ANK2: variants seen among roughly 807,000 people sequenced by gnomAD.
ANK2 encodes ankyrin 2.
In ANK2, 83 loss-of-function variants were observed where a neutral mutation model predicts 360.5. That is an observed-to-expected ratio of 0.23 (90% confidence interval 0.19 to 0.28). The LOEUF (loss-of-function observed/expected upper bound fraction) is 0.28. Ranked by LOEUF, ANK2 falls within the 10% of genes least tolerant of loss-of-function variation. The pLI, the probability that ANK2 is intolerant of heterozygous loss-of-function variation, is 1.00. For missense variants in ANK2, 4,201 were observed against 4,795.7 expected (o/e 0.88, Z 3.66); for synonymous variants, 1,740 against 1,759.5 (o/e 0.99, Z 0.28).
At chr4:112,723,689 G>A in the ANK2 span, among the ~76,000 whole-genome samples, 3 of 151,998 alleles carry the variant, frequency 2.0e-5, no homozygotes, top group Non-Finnish European at 2.9e-5. Context: ...TAGCTGTCTC[G>A]TCAAGGACTT....
At chr4:113,297,615 C>A (rs1309352347) in intron 22 of ANK2, among the ~76,000 whole-genome samples, 5 of 152,030 alleles carry the variant, frequency 3.3e-5, no homozygotes, top group Non-Finnish European at 5.9e-5. Flanking sequence ...CTTGTAAAGT[C>A]ATTTGACACC....
At chr4:113,089,017 C>G (rs932823901) in intron 1 of ANK2, among the ~76,000 whole-genome samples, 5 of 152,170 alleles carry the variant, frequency 3.3e-5, no homozygotes, top group Non-Finnish European at 7.4e-5. Flanking sequence ...CTCTCATACT[C>G]CAGTGGGCCC....
chr4:112,927,083 G>A (rs972352477), intron 2 of ANK2, among the ~76,000 whole-genome samples: 24 of 152,132 alleles, frequency 1.6e-4, no homozygotes, highest in African/African-American at 5.1e-4. Context: ...TACAAGAATA[G>A]CATAGGCCTG....
At position 113,355,856 on chromosome 4, in the gene ANK2, T is replaced by C; in HGVS notation, c.7238T>C (p.Leu2413Pro). The change falls in exon 38 of 46, where the codon CTC becomes CCC. Residue 2413 changes from leucine (L) to proline (P), a missense_variant. Leu to Pro is a moderately conservative substitution (Grantham distance 98, BLOSUM62 -3). This residue lies in a region of ANK2 where 2,642 missense variants were observed against 2,714.5 expected (regional missense o/e 0.97). Coordinates refer to ENST00000357077, the MANE Select transcript of ANK2 (RefSeq NM_001148.6). Reference protein sequence around the residue: ...IRSPQGLELALPSRDSEVLSA... With the variant: ...IRSPQGLELAPPSRDSEVLSA... ...AGTCCCCAAGGGTTAGAACTTGCAC[T>C]CCCTAGCCGAGATAGCGAAGTCCTC... 1 of 1,614,026 alleles carries C rather than the reference T, an allele frequency of 6.2e-7. No individual in the cohort carries two copies. The highest frequency in any genetic ancestry group is 8.5e-7 in the Non-Finnish European group (1 of 1,179,962).
chr4:112,794,069 A>T, the ANK2 span, among the ~76,000 whole-genome samples: 1 of 152,236 alleles, frequency 6.6e-6, no homozygotes, highest in Non-Finnish European at 1.5e-5. Context: ...TTTATAGAGT[A>T]ACTAATTGTT....
chr4:113,116,550 T>G (rs1401694896), intron 1 of ANK2, among the ~76,000 whole-genome samples: 5 of 152,198 alleles, frequency 3.3e-5, no homozygotes, highest in Non-Finnish European at 7.3e-5. Context: ...TAACTCCAAC[T>G]GTGCTCCTCT....
intron 2 of ANK2, among the ~76,000 whole-genome samples, chr4:112,913,081 G>A (rs906341304): frequency 1.3e-5 from 2 of 151,936 alleles, no homozygotes; most frequent in East Asian, 1.9e-4. Flanking sequence ...CTATGTAACC[G>A]TAAAAAAACT....
chr4:113,193,186 A>G (rs1171497915), intron 2 of ANK2, among the ~76,000 whole-genome samples: 1 of 152,218 alleles, frequency 6.6e-6, no homozygotes, highest in Admixed American at 6.5e-5. Flanking sequence ...AGTAAATACC[A>G]CATTAAATTA....
chr4:113,213,782 C>T (rs17529732), intron 4 of ANK2, among the ~76,000 whole-genome samples: 5,666 of 152,014 alleles, frequency 0.037, 127 homozygotes, highest in East Asian at 0.067. Context: ...GCAGAGGAAA[C>T]GTTCCAAAAA....
chr4:113,317,616 T>C, intron 24 of ANK2, 91 bp from the exon 25 acceptor site: 1 of 1,003,646 alleles, frequency 1.0e-6, no homozygotes, highest in South Asian at 1.3e-5. Flanking sequence ...AATAGCACGC[T>C]TTTTTCACTC....
intron 1 of ANK2, among the ~76,000 whole-genome samples, chr4:112,853,841 T>C (rs2065650177): frequency 6.6e-6 from 1 of 152,172 alleles, no homozygotes; most frequent in African/African-American, 2.4e-5. Context: ...GAGGATGCCG[T>C]TTCTAGGAAT....
At chr4:113,073,255 TG>T (rs1011600164) in intron 1 of ANK2, among the ~76,000 whole-genome samples, 24 of 151,972 alleles carry the variant, frequency 1.6e-4, no homozygotes, top group African/African-American at 5.6e-4. Context: ...CGTGTCTGGC[TG>T]AGGGACAGTG....
intron 1 of ANK2, among the ~76,000 whole-genome samples, chr4:113,094,339 C>T (rs1407952190): frequency 2.6e-5 from 4 of 152,126 alleles, no homozygotes; most frequent in Non-Finnish European, 5.9e-5. Flanking sequence ...TTCTTATCAA[C>T]CTATCTCTGA....
At chr4:112,966,240 T>C (rs1440272327) in intron 2 of ANK2, among the ~76,000 whole-genome samples, 2 of 151,670 alleles carry the variant, frequency 1.3e-5, no homozygotes, top group African/African-American at 4.8e-5. Context: ...AATTGATATC[T>C]TCTAACACTC....
chr4:112,925,022 T>C (rs531676322), intron 2 of ANK2, among the ~76,000 whole-genome samples: 6 of 152,130 alleles, frequency 3.9e-5, no homozygotes, highest in Admixed American at 6.5e-5. Flanking sequence ...GTATTTTTAG[T>C]AGAGACGAGG....
rs761695310 is a variant in ANK2, at chr4:113,369,557, A to G, written c.11362A>G (p.Met3788Val). The G allele has an allele frequency of 5.6e-6, 9 of 1,614,160 alleles. No individual in the cohort carries two copies. The highest frequency in any genetic ancestry group is 2.2e-5 in the East Asian group (1 of 44,880). ...GTETSETQKA[M>V]IVPSSPSKTP... The stretch of plus-strand genomic sequence containing the variant: ...AGAAACATCAGAGACTCAGAAGGCT[A>G]TGATAGTACCCAGCTCTCCCAGCAA... The change falls in exon 43 of 46, where the codon ATG (methionine) becomes GTG (valine). Residue 3788 changes from methionine (M) to valine (V), a missense_variant. Physicochemically the swap from Met to Val is conservative, Grantham distance 21. Coordinates refer to ENST00000357077, the MANE Select transcript of ANK2 (RefSeq NM_001148.6).
chr4:112,929,096 G>A (rs1319997158), intron 2 of ANK2, among the ~76,000 whole-genome samples: 2 of 151,966 alleles, frequency 1.3e-5, no homozygotes, highest in African/African-American at 2.4e-5. Flanking sequence ...CAGGTGATCT[G>A]CCTGCCTCAG....
intron 1 of ANK2, among the ~76,000 whole-genome samples, chr4:113,067,495 C>T (rs2076047637): frequency 6.6e-6 from 1 of 152,062 alleles, no homozygotes; most frequent in Non-Finnish European, 1.5e-5. Flanking sequence ...ATGGAAAAGT[C>T]CAGCAAGCAT....
At chr4:112,884,003 T>TATTC (rs35885800) in intron 1 of ANK2, among the ~76,000 whole-genome samples, 37,059 of 151,402 alleles carry the variant, frequency 0.24, 4,829 homozygotes, top group African/African-American at 0.33. Context: ...TTTAAACAAT[T>TATTC]AATAAGGCTT....
Sources: allele counts gnomAD v4.1 joint callset (sites outside exome capture counted in the v4.1 genomes callset), GRCh38; gene constraint gnomAD v4.1.1; regional missense constraint gnomAD v4.1.1; transcripts MANE v1.5; gene names NCBI Gene and HGNC (gene_info 2026-07-23, HGNC 2026-07-21).